Variants in CD83 observed in about 807,000 individuals in gnomAD.
CD83 encodes the protein CD83 molecule.
Under a neutral mutation model 24.6 loss-of-function variants are expected in CD83, and 22 were observed. The ratio of observed to expected loss-of-function variants is 0.90; its 90% CI spans 0.64 to 1.28. CD83 has a LOEUF of 1.28. Among genes scored for constraint, CD83 ranks in the 50% most tolerant of loss-of-function variants. The pLI, the probability that CD83 is intolerant of heterozygous loss-of-function variation, is 0.00. For synonymous variants in CD83, 101 were observed against 103.5 expected, an observed-to-expected ratio of 0.98 and a Z score of 0.14; for missense variants, 253 against 252.8, an observed-to-expected ratio of 1.00 and a Z score of -0.01.
At chr6:14,133,173 G>A (rs1252492976) in intron 3 of CD83, among the ~76,000 whole-genome samples, 1 of 152,216 alleles carries the variant, frequency 6.6e-6, no homozygotes, top group African/African-American at 2.4e-5. Flanking sequence ...AACCTCCTGA[G>A]GTGAGGACAC....
At chr6:14,127,550 T>TAA (rs879732858) in intron 2 of CD83, among the ~76,000 whole-genome samples, 5 of 145,228 alleles carry the variant, frequency 3.4e-5, no homozygotes, top group Admixed American at 6.9e-5. Flanking sequence ...AGTTCATCAT[T>TAA]AAAAAAAAAA....
At chr6:14,125,543 T>C (rs552988968) in intron 2 of CD83, among the ~76,000 whole-genome samples, 15 of 152,290 alleles carry the variant, frequency 9.8e-5, no homozygotes, top group African/African-American at 3.6e-4. Context: ...TTTGACTGGG[T>C]CACGTGCCTA....
At chr6:14,125,551 C>A (rs905517444) in intron 2 of CD83, among the ~76,000 whole-genome samples, 52 of 152,288 alleles carry the variant, frequency 3.4e-4, no homozygotes, top group African/African-American at 1.2e-3. Context: ...GGTCACGTGC[C>A]TATCAGAGCC....
intron 4 of CD83, among the ~76,000 whole-genome samples, chr6:14,133,964 G>C (rs968952660): frequency 6.6e-6 from 1 of 152,020 alleles, no homozygotes; most frequent in South Asian, 2.1e-4. Flanking sequence ...TACGTTTAGA[G>C]CATTGTGGAA....
At chr6:14,123,313 G>C (rs1359563912) in intron 2 of CD83, among the ~76,000 whole-genome samples, 1 of 152,028 alleles carries the variant, frequency 6.6e-6, no homozygotes, top group Non-Finnish European at 1.5e-5. Flanking sequence ...TGGCCAGGCT[G>C]GTCTCGAGCT....
rs1184946156 is a variant in CD83, at chr6:14,121,641, A to AT, written c.153+3576_153+3577insT. Among the ~76,000 whole-genome samples the AT allele has an allele frequency of 4.6e-3, 585 of 128,268 alleles. 5 individuals carry two copies. The highest frequency in any genetic ancestry group is 0.016 in the African/African-American group (557 of 34,410). 84.1% of individuals were successfully genotyped at this position (128,268 alleles called of 152,430 possible). A position where few individuals can be genotyped will look rare whatever the true frequency, so the allele number is the denominator to read the frequency against. On this transcript the variant is annotated intron_variant, in intron 2 of 4. Coordinates refer to ENST00000379153, the MANE Select transcript of CD83 (RefSeq NM_004233.4). ...CAAAAAAAAAAAAAAAAAAAAAAAA[A>AT]GTTGTAATAGATGTGGTTCTTTGAG...
intron 3 of CD83, among the ~76,000 whole-genome samples, chr6:14,132,823 G>A (rs149491921): frequency 3.0e-4 from 45 of 152,240 alleles, no homozygotes; most frequent in Admixed American, 1.1e-3. Context: ...AACCCCCTCC[G>A]CTCACTTGCA....
chr6:14,135,276 C>G lies in CD83; in HGVS notation c.*40C>G, dbSNP rs370325632. The G allele has an allele frequency of 1.9e-6, 3 of 1,605,926 alleles. No individual in the cohort carries two copies. In the African/African-American group the frequency reaches 4.0e-5, roughly 21 times the overall value. Reference sequence around the variant, plus strand: ...GGTTCTTCTTCCTGAAGCTGAGGCTCAGGGGTGTGCCTGTCTGTTACACTG... The same window carrying G: ...GGTTCTTCTTCCTGAAGCTGAGGCTGAGGGGTGTGCCTGTCTGTTACACTG... On this transcript the variant is annotated 3_prime_UTR_variant, in exon 5 of 5. Coordinates refer to ENST00000379153, the MANE Select transcript of CD83 (RefSeq NM_004233.4).
At chr6:14,123,602 C>T (rs903347959) in intron 2 of CD83, among the ~76,000 whole-genome samples, 7 of 151,634 alleles carry the variant, frequency 4.6e-5, no homozygotes, top group African/African-American at 1.2e-4. Context: ...AGAATGAGGC[C>T]GCCTCTGAGT....
chr6:14,129,638 G>T lies in CD83; in HGVS notation c.154-1882G>T, dbSNP rs1759900265. Among the ~76,000 whole-genome samples the T allele has an allele frequency of 6.6e-6, 1 of 152,108 alleles. No individual in the cohort carries two copies. The highest frequency in any genetic ancestry group is 6.5e-5 in the Admixed American group (1 of 15,268). On this transcript the variant is annotated intron_variant, in intron 2 of 4. Transcript: ENST00000379153. The surrounding 1 kb of genome is among the most constrained non-coding windows in gnomAD (Gnocchi z 4.3). ...AATGGGATTTATGTCCGCAGACTCGGCCTGAGAAGAGCCGTTCATCTCAGC... is the reference window on the plus strand; with the variant it reads ...AATGGGATTTATGTCCGCAGACTCGTCCTGAGAAGAGCCGTTCATCTCAGC...
At chr6:14,127,022 T>C (rs1759833920) in intron 2 of CD83, among the ~76,000 whole-genome samples, 1 of 151,926 alleles carries the variant, frequency 6.6e-6, no homozygotes, top group Non-Finnish European at 1.5e-5. Flanking sequence ...GGAGTCATGC[T>C]CTGTCACCCA....
At position 14,135,053 on chromosome 6, in the gene CD83, A is replaced by T. The variant is rs574881551; in HGVS notation, c.490-55A>T. The T allele has an allele frequency of 2.0e-5, 32 of 1,590,126 alleles. 1 individual carries two copies. In the South Asian group the frequency reaches 3.5e-4, roughly 17 times the overall value. ...AGTGAATAGAGTTTAAAAGGAGGTG[A>T]CAACTGCTGAATTTTTCCAATTATT... On this transcript the variant is annotated intron_variant, in intron 4 of 4. Transcript: ENST00000379153.
chr6:14,119,453 A>C (rs1188431406), intron 2 of CD83, among the ~76,000 whole-genome samples: 1 of 152,238 alleles, frequency 6.6e-6, no homozygotes, highest in Non-Finnish European at 1.5e-5. Context: ...ATTTACATAC[A>C]TTATCCATTT....
intron 2 of CD83, among the ~76,000 whole-genome samples, chr6:14,123,447 TA>T (rs978451744): frequency 9.2e-5 from 14 of 152,324 alleles, no homozygotes; most frequent in Non-Finnish European, 1.3e-4. Context: ...AAAATATGCC[TA>T]AAGCAAAGCA....
At position 14,125,856 on chromosome 6, in the gene CD83, C is replaced by T. The variant is rs139475629; in HGVS notation, c.154-5664C>T. On this transcript the variant is annotated intron_variant, in intron 2 of 4. Transcript: ENST00000379153. ...ATCATATGTGGAAAAAACAGTTTCT[C>T]CCTAGAGCAGAGATTGGGACTTCTA... is the stretch of plus-strand genomic sequence containing the variant. Among the ~76,000 whole-genome samples the T allele has an allele frequency of 1.1e-4, 17 of 152,322 alleles. No individual in the cohort carries two copies. The East Asian group carries it at 2.3e-3, about 21-fold the overall frequency.
At chr6:14,130,378 A>G (rs539856736) in intron 2 of CD83, among the ~76,000 whole-genome samples, 2 of 152,352 alleles carry the variant, frequency 1.3e-5, no homozygotes, top group East Asian at 1.9e-4. Flanking sequence ...TATGAGCCTA[A>G]TCTATGCAGT....
At chr6:14,135,066 T>G (rs1490225013) in intron 4 of CD83, 42 bp from the exon 5 acceptor site, 1 of 1,607,594 alleles carries the variant, frequency 6.2e-7, no homozygotes, top group Non-Finnish European at 8.5e-7. Context: ...ACTGCTGAAT[T>G]TTTCCAATTA....
chr6:14,125,086 A>T (rs1343483713), intron 2 of CD83, among the ~76,000 whole-genome samples: 1 of 152,250 alleles, frequency 6.6e-6, no homozygotes, highest in East Asian at 1.9e-4. Context: ...AGAGAAAGGC[A>T]CAGAACAGAT....
intron 2 of CD83, among the ~76,000 whole-genome samples, chr6:14,130,462 C>T (rs1439567221): frequency 2.0e-5 from 3 of 152,300 alleles, no homozygotes; most frequent in South Asian, 4.1e-4. Flanking sequence ...CGGTGGCTCA[C>T]GCCTGTAATC....
Sources: gnomAD v4.1 joint callset for allele counts (sites outside exome capture counted in the v4.1 genomes callset) on GRCh38, gnomAD v4.1.1 for gene constraint, Gnocchi (gnomAD v3.1) non-coding constraint, MANE v1.5 for transcripts, NCBI Gene and HGNC (gene_info 2026-07-23, HGNC 2026-07-21) for gene names.